The following RNF111 variants were observed in gnomAD, a reference collection of about 807,000 sequenced individuals.
RNF111 encodes the protein E3 ubiquitin-protein ligase Arkadia.
In RNF111, 17 loss-of-function variants were observed where a neutral mutation model predicts 95.1. That is an observed-to-expected ratio of 0.18 (90% CI 0.12 to 0.27). The LOEUF (loss-of-function observed/expected upper bound fraction) is 0.27. RNF111 is among the 10% of genes least tolerant of loss of function. RNF111 has a pLI of 1.00. For missense variants in RNF111, 1,189 were observed against 1,210.4 expected, an observed-to-expected ratio of 0.98 and a Z score of 0.26; for synonymous variants, 440 against 414.8, an observed-to-expected ratio of 1.06 and a Z score of -0.74.
At chr15:59,022,423 G>C (rs2040390793) in intron 1 of RNF111, among the ~76,000 whole-genome samples, 1 of 152,120 alleles carries the variant, frequency 6.6e-6, no homozygotes, top group South Asian at 2.1e-4. Context: ...AGTTATCCTA[G>C]ACAGACCTCC....
chr15:59,075,859 A>G (rs148964812), intron 6 of RNF111, 95 bp from the exon 7 acceptor site: 19 of 1,316,380 alleles, frequency 1.4e-5, no homozygotes, highest in South Asian at 1.4e-4. Flanking sequence ...TTTAAAGATT[A>G]TGTTTTTTTG....
At chr15:59,026,024 C>G (rs1407004013) in intron 1 of RNF111, among the ~76,000 whole-genome samples, 1 of 151,698 alleles carries the variant, frequency 6.6e-6, no homozygotes, top group East Asian at 1.9e-4. Context: ...GCCACTGTGC[C>G]CGGCCGGCTT....
intron 10 of RNF111, among the ~76,000 whole-genome samples, 169 bp downstream of exon 10, chr15:59,085,954 C>T (rs537064933): frequency 1.3e-5 from 2 of 152,164 alleles, no homozygotes; most frequent in East Asian, 1.9e-4. Context: ...AAAATCTGCA[C>T]GTATAATTTG....
At chr15:59,048,483 C>G (rs905982324) in intron 2 of RNF111, among the ~76,000 whole-genome samples, 2 of 152,040 alleles carry the variant, frequency 1.3e-5, no homozygotes, top group East Asian at 1.9e-4. Flanking sequence ...ATAGGACTTG[C>G]GAGCTCTTTT....
intron 6 of RNF111, among the ~76,000 whole-genome samples, chr15:59,073,481 C>CAAA (rs34527160): frequency 1.7e-5 from 2 of 115,724 alleles, no homozygotes; most frequent in Non-Finnish European, 3.6e-5. Context: ...ACACCATCTC[C>CAAA]AAAAAAAAAA....
chr15:58,992,345 A>C (rs963218919), intron 1 of RNF111, among the ~76,000 whole-genome samples: 1 of 152,070 alleles, frequency 6.6e-6, no homozygotes, highest in Non-Finnish European at 1.5e-5. Flanking sequence ...GTGCCCAGCA[A>C]TGTCTGTTAT....
intron 8 of RNF111, 116 bp downstream of exon 8, chr15:59,081,400 C>G (rs767596938): frequency 2.4e-6 from 2 of 847,076 alleles, no homozygotes; most frequent in African/African-American, 1.7e-5. Flanking sequence ...GTCACAGCTC[C>G]TTGGGAGGCT....
chr15:59,038,122 G>A (rs978379215), intron 2 of RNF111, among the ~76,000 whole-genome samples: 44 of 152,044 alleles, frequency 2.9e-4, no homozygotes, highest in African/African-American at 8.5e-4. Context: ...CACAACCATC[G>A]TAGACCTTGA....
At chr15:59,052,477 A>T in intron 3 of RNF111, 46 bp downstream of exon 3, 1 of 1,343,410 alleles carries the variant, frequency 7.4e-7, no homozygotes, top group Non-Finnish European at 9.9e-7. Flanking sequence ...TTAAATATAA[A>T]TATTAAACAT....
rs1596257422 is a variant in RNF111 at position 59,067,047 on chromosome 15, A to T, written c.1650A>T (p.Gly550=). 6.2e-7 allele frequency: 1 copy of T among 1,614,020 alleles called. No individual in the cohort carries two copies. The highest frequency in any genetic ancestry group is 2.2e-5 in the East Asian group (1 of 44,872). ...CTCCACAAGTACAAGCACCTTGTGG[A>T]GCAAATAGTAGTTCTGGTACCAGCT... ...ERPPQVQAPC[G]ANSSSGTSYH... is the part of the protein sequence containing the mutation. The change falls in exon 6 of 14, where the codon GGA becomes GGT. Residue 550 remains glycine (G), a synonymous_variant. Transcript: ENST00000348370.
rs139352097 is a variant in RNF111 at position 59,021,242 on chromosome 15, G to A, written c.-19-9562G>A. ...CTCGGCTCACTGCAAACTCCGCCTC[G>A]TGAGTTCAAGTGATTCTCCTGTCTC... On this transcript the variant is annotated intron_variant, in intron 1 of 13. Coordinates refer to ENST00000348370, the MANE Select transcript of RNF111 (RefSeq NM_017610.8). 3.9e-3 allele frequency among the ~76,000 whole-genome samples: 593 copies of A among 152,160 alleles called. 11 individuals carry two copies. Among genetic ancestry groups the A allele is most frequent in the Admixed American group, 0.035 (532 of 15,268 alleles).
chr15:59,013,105 G>A (rs748857311), intron 1 of RNF111, among the ~76,000 whole-genome samples: 4 of 152,130 alleles, frequency 2.6e-5, no homozygotes, highest in Non-Finnish European at 1.5e-5. Flanking sequence ...TTAGAGAGCA[G>A]GGTAAGCTCC....
chr15:59,012,779 C>A (rs1389823750), intron 1 of RNF111, among the ~76,000 whole-genome samples: 1 of 149,658 alleles, frequency 6.7e-6, no homozygotes, highest in Non-Finnish European at 1.5e-5. Flanking sequence ...TGCTTTGTCA[C>A]CTGGGCTGGA....
At chr15:58,996,118 T>C (rs1012828137) in intron 1 of RNF111, among the ~76,000 whole-genome samples, 4 of 152,150 alleles carry the variant, frequency 2.6e-5, no homozygotes, top group Admixed American at 2.0e-4. Flanking sequence ...GTTATGTTCT[T>C]AATTGTGATC....
chr15:59,085,864 T>TTTCC, intron 10 of RNF111, 79 bp downstream of exon 10: 1 of 1,163,872 alleles, frequency 8.6e-7, no homozygotes, highest in Non-Finnish European at 1.2e-6. Flanking sequence ...TACTTCACTA[T>TTTCC]ATTAATATAG....
At chr15:58,990,351 A>G (rs537185050) in intron 1 of RNF111, among the ~76,000 whole-genome samples, 1 of 152,300 alleles carries the variant, frequency 6.6e-6, no homozygotes, top group Non-Finnish European at 1.5e-5. Flanking sequence ...TGAAATGTGT[A>G]TGTGTAAAAC....
intron 13 of RNF111, among the ~76,000 whole-genome samples, chr15:59,094,199 C>G (rs192004007): frequency 3.3e-5 from 5 of 151,826 alleles, no homozygotes; most frequent in African/African-American, 4.8e-5. Flanking sequence ...ACAATTATTC[C>G]GTGAAAAAAG....
chr15:59,084,421 A>G (rs1357703385), intron 9 of RNF111, 167 bp downstream of exon 9: 1 of 546,772 alleles, frequency 1.8e-6, no homozygotes, highest in Non-Finnish European at 2.9e-6. Flanking sequence ...GAGAGGAAAG[A>G]ATAGGAGCTG....
At chr15:59,042,599 T>C (rs1358458540) in intron 2 of RNF111, among the ~76,000 whole-genome samples, 1 of 152,220 alleles carries the variant, frequency 6.6e-6, no homozygotes, top group Non-Finnish European at 1.5e-5. Flanking sequence ...CCATTTGGTG[T>C]TTATCCTTAC....
Sources: gnomAD v4.1 joint callset for allele counts (sites outside exome capture counted in the v4.1 genomes callset) on GRCh38, gnomAD v4.1.1 for gene constraint, MANE v1.5 for transcripts, NCBI Gene and HGNC (gene_info 2026-07-23, HGNC 2026-07-21) for gene names.